PTPRD: variants seen among roughly 807,000 people sequenced by gnomAD.
PTPRD encodes the protein protein tyrosine phosphatase receptor type D, also known as receptor-type tyrosine-protein phosphatase delta.
PTPRD carries 34 observed loss-of-function variants against 214.5 expected under a neutral mutation model. That is an observed-to-expected ratio of 0.16 (90% confidence interval 0.12 to 0.21). The LOEUF (loss-of-function observed/expected upper bound fraction) is 0.21. PTPRD is among the 10% of genes least tolerant of loss of function. The pLI is 1.00. For missense variants in PTPRD, 2,545 were observed against 2,398.7 expected, an observed-to-expected ratio of 1.06 and a Z score of -1.27; for synonymous variants, 1,128 against 845.7, an observed-to-expected ratio of 1.33 and a Z score of -5.79.
At chr9:8,673,257 G>C (rs780736347) in intron 12 of PTPRD, among the ~76,000 whole-genome samples, 2 of 152,044 alleles carry the variant, frequency 1.3e-5, no homozygotes, top group African/African-American at 2.4e-5. Context: ...AACGTAAGTA[G>C]AAATTGCACA....
chr9:10,047,335 T>TGTGTGTGTGTGTGTGTGTGC, intron 3 of PTPRD, among the ~76,000 whole-genome samples: 1 of 149,646 alleles, frequency 6.7e-6, no homozygotes. Flanking sequence ...TGTGTGTGTG[T>TGTGTGTGTGTGTGTGTGTGC]GTGCGTGTGT....
At chr9:8,767,847 A>G (rs963802067) in intron 11 of PTPRD, among the ~76,000 whole-genome samples, 1 of 152,218 alleles carries the variant, frequency 6.6e-6, no homozygotes, top group Non-Finnish European at 1.5e-5. Flanking sequence ...GTATGGTCTC[A>G]TTTAAGTTAC....
At chr9:10,504,737 A>T (rs938956794) in intron 2 of PTPRD, among the ~76,000 whole-genome samples, 2 of 152,208 alleles carry the variant, frequency 1.3e-5, no homozygotes, top group African/African-American at 2.4e-5. Context: ...CATAAAGCTA[A>T]TTACTAAAGA....
At chr9:8,374,114 CTGTGTGTGTGTGTGTG>C (rs6150905) in intron 39 of PTPRD, among the ~76,000 whole-genome samples, 33,607 of 142,790 alleles carry the variant, frequency 0.24, 4,421 homozygotes, top group East Asian at 0.44. Context: ...ACACACGTGT[CTGTGTGTGTGTGTGTG>C]TGTGTGTGTG....
At chr9:9,493,694 A>C (rs1289693798) in intron 8 of PTPRD, among the ~76,000 whole-genome samples, 1 of 148,260 alleles carries the variant, frequency 6.7e-6, no homozygotes, top group Non-Finnish European at 1.5e-5. Flanking sequence ...AGGCTGAGGC[A>C]GGAGAATGGC....
chr9:9,065,045 G>A (rs1046874395), intron 10 of PTPRD, among the ~76,000 whole-genome samples: 4 of 152,134 alleles, frequency 2.6e-5, no homozygotes, highest in African/African-American at 9.7e-5. Flanking sequence ...AATATCCACT[G>A]AGTATTTACA....
At chr9:9,587,673 C>G (rs567245480) in intron 7 of PTPRD, among the ~76,000 whole-genome samples, 3 of 151,950 alleles carry the variant, frequency 2.0e-5, no homozygotes, top group African/African-American at 4.8e-5. Flanking sequence ...ATTTCTAAAC[C>G]AAGTTCCCAG....
chr9:9,708,523 T>A (rs796093546), intron 7 of PTPRD, among the ~76,000 whole-genome samples: 6 of 152,240 alleles, frequency 3.9e-5, no homozygotes, highest in African/African-American at 1.4e-4. Context: ...ATTATTCCTA[T>A]ACTAGTGAGC....
At chr9:8,379,383 A>AC (rs149896909) in intron 37 of PTPRD, among the ~76,000 whole-genome samples, 1,886 of 152,130 alleles carry the variant, frequency 0.012, 34 homozygotes, top group African/African-American at 0.042. Flanking sequence ...TAGCCTGCAC[A>AC]CCTTCATCTG....
chr9:9,496,237 AT>A (rs1329719121), intron 8 of PTPRD, among the ~76,000 whole-genome samples: 12 of 152,206 alleles, frequency 7.9e-5, no homozygotes, highest in Non-Finnish European at 2.9e-5. Context: ...ATTCTTTAAA[AT>A]TGTACAGCAA....
At chr9:9,798,455 GTTCAGTTTCC>G (rs1352134614) in intron 5 of PTPRD, among the ~76,000 whole-genome samples, 1 of 152,138 alleles carries the variant, frequency 6.6e-6, no homozygotes, top group African/African-American at 2.4e-5. Flanking sequence ...AGGGTTGTTT[GTTCAGTTTCC>G]TCTGTGTCCT....
At chr9:9,358,960 C>G (rs2001) in intron 9 of PTPRD, among the ~76,000 whole-genome samples, 37,138 of 151,172 alleles carry the variant, frequency 0.25, 5,932 homozygotes, top group African/African-American at 0.44. Flanking sequence ...CTTCTAAAAA[C>G]AATTTCAGGA....
chr9:8,750,492 C>T (rs758595544), intron 11 of PTPRD, among the ~76,000 whole-genome samples: 6 of 151,410 alleles, frequency 4.0e-5, no homozygotes, highest in African/African-American at 1.5e-4. Context: ...GGTAAGTGCT[C>T]GAAAGAAAAT....
intron 11 of PTPRD, among the ~76,000 whole-genome samples, chr9:8,829,496 G>A (rs1294564543): frequency 2.2e-5 from 3 of 138,018 alleles, no homozygotes; most frequent in Non-Finnish European, 3.1e-5. Flanking sequence ...TCTGCATTGT[G>A]CATTTAAAAC....
intron 3 of PTPRD, among the ~76,000 whole-genome samples, chr9:10,101,923 A>G (rs1476632677): frequency 6.6e-6 from 1 of 151,560 alleles, no homozygotes; most frequent in Non-Finnish European, 1.5e-5. Context: ...GTATTTAAGG[A>G]TACACTGCTA....
intron 3 of PTPRD, among the ~76,000 whole-genome samples, chr9:10,106,013 C>CAAAAAAAAAAA (rs35421883): frequency 7.1e-5 from 4 of 56,668 alleles, no homozygotes; most frequent in Admixed American, 2.1e-4. Context: ...ATCACATATT[C>CAAAAAAAAAAA]AAAAAAAAAA....
intron 8 of PTPRD, among the ~76,000 whole-genome samples, chr9:9,485,951 G>A (rs2095611721): frequency 6.6e-6 from 1 of 151,896 alleles, no homozygotes; most frequent in Non-Finnish European, 1.5e-5. Context: ...AGGAGTTTGA[G>A]ACCAGCCTAG....
intron 4 of PTPRD, among the ~76,000 whole-genome samples, chr9:10,006,903 A>G (rs1477287842): frequency 6.6e-6 from 1 of 151,942 alleles, no homozygotes; most frequent in Admixed American, 6.6e-5. Flanking sequence ...TTGACTTTCA[A>G]TAGTCAAAAT....
At chr9:10,134,419 G>A (rs1410032647) in intron 3 of PTPRD, among the ~76,000 whole-genome samples, 1 of 152,128 alleles carries the variant, frequency 6.6e-6, no homozygotes, top group Non-Finnish European at 1.5e-5. Flanking sequence ...CCCAATGACT[G>A]AACACTGCTG....
Sources: allele counts gnomAD v4.1 joint callset (sites outside exome capture counted in the v4.1 genomes callset), GRCh38; gene constraint gnomAD v4.1.1; transcripts MANE v1.5; gene names NCBI Gene and HGNC (gene_info 2026-07-23, HGNC 2026-07-21).